The following HUNK variants were observed in gnomAD, a reference collection of about 807,000 sequenced individuals.
HUNK encodes the protein hormonally up-regulated neu tumor-associated kinase.
Under a neutral mutation model 61.0 loss-of-function variants are expected in HUNK, and 21 were observed. The ratio of observed to expected loss-of-function variants is 0.34; its 90% confidence interval spans 0.24 to 0.50. The LOEUF is 0.50. Among genes scored for constraint, HUNK ranks in the 20% least tolerant of loss-of-function variants. The pLI is 0.98. For synonymous variants in HUNK, 371 were observed against 386.1 expected, an observed-to-expected ratio of 0.96 and a Z score of 0.46; for missense variants, 772 against 945.7, an observed-to-expected ratio of 0.82 and a Z score of 2.41.
intron 9 of HUNK, among the ~76,000 whole-genome samples, chr21:31,995,505 C>T (rs1391403660): frequency 6.6e-6 from 1 of 152,196 alleles, no homozygotes; most frequent in Non-Finnish European, 1.5e-5. Flanking sequence ...TAGGAATGCC[C>T]TGCCCTTGCT....
intron 1 of HUNK, among the ~76,000 whole-genome samples, chr21:31,886,834 C>G (rs1005041857): frequency 5.3e-5 from 8 of 152,140 alleles, no homozygotes; most frequent in African/African-American, 1.9e-4. Context: ...TTAGTAGAAA[C>G]GGAGTCAGGC....
chr21:31,893,351 C>T (rs1050949708), intron 1 of HUNK, among the ~76,000 whole-genome samples: 1 of 152,200 alleles, frequency 6.6e-6, no homozygotes, highest in African/African-American at 2.4e-5. Context: ...ACTCTTTTCC[C>T]GATACATGAA....
chr21:31,891,925 G>T (rs987271851), intron 1 of HUNK, among the ~76,000 whole-genome samples: 2 of 152,006 alleles, frequency 1.3e-5, no homozygotes, highest in African/African-American at 4.8e-5. Flanking sequence ...ATTGGGTAGG[G>T]ATATTTGACT....
At chr21:31,980,862 G>A (rs896661686) in intron 7 of HUNK, among the ~76,000 whole-genome samples, 17 of 152,202 alleles carry the variant, frequency 1.1e-4, no homozygotes, top group East Asian at 3.9e-4. Context: ...GCGCCACCAT[G>A]CCCAGGTAAT....
intron 1 of HUNK, among the ~76,000 whole-genome samples, chr21:31,894,331 G>A (rs980513382): frequency 2.0e-4 from 31 of 152,128 alleles, no homozygotes; most frequent in Non-Finnish European, 5.9e-5. Flanking sequence ...CTCATGGAAT[G>A]CTCTTTCCAT....
At chr21:31,957,823 A>C (rs1173752507) in intron 4 of HUNK, among the ~76,000 whole-genome samples, 1 of 152,204 alleles carries the variant, frequency 6.6e-6, no homozygotes, top group Non-Finnish European at 1.5e-5. Flanking sequence ...ACAATAAAAA[A>C]ATCAGGGCAG....
At chr21:31,943,238 T>G (rs1322045111) in intron 3 of HUNK, among the ~76,000 whole-genome samples, 1 of 151,864 alleles carries the variant, frequency 6.6e-6, no homozygotes. Context: ...AATCAGGAGG[T>G]TTTTTTTCCC....
At chr21:31,935,157 C>T (rs896885358) in intron 2 of HUNK, among the ~76,000 whole-genome samples, 11 of 152,270 alleles carry the variant, frequency 7.2e-5, no homozygotes, top group African/African-American at 2.4e-4. Context: ...AGTGAACTGC[C>T]TGAGTGAGGC....
At chr21:31,979,472 C>G (rs1224631591) in intron 7 of HUNK, among the ~76,000 whole-genome samples, 1 of 139,396 alleles carries the variant, frequency 7.2e-6, no homozygotes, top group Non-Finnish European at 1.6e-5. Context: ...CCTATGTGCA[C>G]TTTTTAATTG....
intron 4 of HUNK, 97 bp downstream of exon 4, chr21:31,946,268 G>A: frequency 2.4e-6 from 3 of 1,231,718 alleles, no homozygotes; most frequent in Non-Finnish European, 3.4e-6. Flanking sequence ...GCATGTATAG[G>A]TGACAGGCCC....
rs2053238420 is a variant in HUNK at position 32,000,411 on chromosome 21, G to A, written c.*1227G>A. On this transcript the variant is annotated 3_prime_UTR_variant, in exon 11 of 11. Coordinates refer to ENST00000270112, the MANE Select transcript of HUNK (RefSeq NM_014586.2). Reference sequence around the variant, plus strand: ...TCTCCAAGGATCGAACCAAAGATGTGTCTCCAGTATTGTGTCTGTGCCCCT... The same window carrying A: ...TCTCCAAGGATCGAACCAAAGATGTATCTCCAGTATTGTGTCTGTGCCCCT... The A allele has an allele frequency of 1.0e-5, 4 of 398,982 alleles. No individual in the cohort carries two copies. The highest frequency in any genetic ancestry group is 6.2e-4 in the Middle Eastern group (1 of 1,610). The allele number at this position is 398,982 out of a possible 1,614,324, so 24.7% of individuals were successfully genotyped here. A position where few individuals can be genotyped will look rare whatever the true frequency, so the allele number is the denominator to read the frequency against.
At chr21:31,938,073 C>T (rs2211785) in intron 2 of HUNK, among the ~76,000 whole-genome samples, 55,807 of 152,174 alleles carry the variant, frequency 0.37, 13,401 homozygotes, top group African/African-American at 0.69. Context: ...ATTGGCAACT[C>T]TGAATCTGTT....
rs117432971 is a variant in HUNK, at chr21:31,976,346, A to G, written c.1173+1629A>G. ...TATATGATGAGGAGAGATTCAGAAA[A>G]TCTCTTGTATCACACAGCAGTTCTC... On this transcript the variant is annotated intron_variant, in intron 7 of 10. Transcript: ENST00000270112. Among the ~76,000 whole-genome samples the G allele has an allele frequency of 4.0e-5, 6 of 151,850 alleles. No individual in the cohort carries two copies. In the East Asian group the frequency reaches 1.2e-3, roughly 29 times the overall value.
chr21:31,876,209 T>C (rs1261283030), intron 1 of HUNK, among the ~76,000 whole-genome samples: 2 of 152,114 alleles, frequency 1.3e-5, no homozygotes, highest in Non-Finnish European at 2.9e-5. Context: ...CGGGTAAGGA[T>C]GGTGGTTCTT....
At chr21:31,949,416 T>C (rs1316369448) in intron 4 of HUNK, among the ~76,000 whole-genome samples, 7 of 152,168 alleles carry the variant, frequency 4.6e-5, no homozygotes, top group Admixed American at 2.0e-4. Context: ...ATGGATTTCT[T>C]CCAACCCTTA....
intron 1 of HUNK, among the ~76,000 whole-genome samples, chr21:31,875,573 G>C (rs912279795): frequency 5.3e-5 from 8 of 152,138 alleles, no homozygotes; most frequent in Admixed American, 2.6e-4. Context: ...GATTCGATTC[G>C]ATTCGATTCG....
chr21:31,886,388 T>C (rs950474717), intron 1 of HUNK, among the ~76,000 whole-genome samples: 3 of 149,434 alleles, frequency 2.0e-5, no homozygotes, highest in Non-Finnish European at 3.0e-5. Flanking sequence ...ATTGCGCCAT[T>C]GTACTCCAAA....
chr21:31,931,910 G>A (rs2052699315), intron 2 of HUNK, among the ~76,000 whole-genome samples: 1 of 152,102 alleles, frequency 6.6e-6, no homozygotes, highest in Non-Finnish European at 1.5e-5. Context: ...TGCATGTGAT[G>A]CATGCACGCG....
Position 31,971,830 on chromosome 21 carries a change from CTT to C in HUNK, c.1011-2709_1011-2708del, listed in dbSNP as rs11424112. On this transcript the variant is annotated intron_variant, in intron 6 of 10. Coordinates refer to ENST00000270112, the MANE Select transcript of HUNK (RefSeq NM_014586.2). ...GCTCCCCTCCTGATCCAGGTGCAGA[CTT>C]TTTTTTTTTTTTTTTGAGACAAGTC... is the stretch of plus-strand genomic sequence containing the variant. 8.5e-3 allele frequency among the ~76,000 whole-genome samples: 1,183 copies of C among 138,674 alleles called. 15 individuals are homozygous for C. Among genetic ancestry groups the C allele is most frequent in the East Asian group, 0.063 (300 of 4,736 alleles). The allele number at this position is 138,674 out of a possible 152,430, so 91.0% of individuals were successfully genotyped here.
Sources: gnomAD v4.1 joint callset for allele counts (sites outside exome capture counted in the v4.1 genomes callset) on GRCh38, gnomAD v4.1.1 for gene constraint, MANE v1.5 for transcripts, NCBI Gene and HGNC (gene_info 2026-07-23, HGNC 2026-07-21) for gene names.